Variants in RACK1 observed in about 807,000 individuals in gnomAD.
The protein encoded by RACK1 is small ribosomal subunit protein RACK1.
In RACK1, 3 loss-of-function variants were observed where a neutral mutation model predicts 42.2. That is an observed-to-expected ratio of 0.07 (90% CI 0.03 to 0.18). The LOEUF is 0.18. RACK1 is among the 10% of genes least tolerant of loss of function. The probability of loss-of-function intolerance (pLI) is 1.00; values close to 1 mark genes in which losing one functional copy is unlikely to be tolerated. For synonymous variants in RACK1, 181 were observed against 154.8 expected (o/e 1.17, Z -1.25); for missense variants, 146 against 403.2 (o/e 0.36, Z 5.46).
intron 1 of RACK1, chr5:181,243,014 G>A: frequency 5.7e-6 from 2 of 348,152 alleles, no homozygotes; most frequent in Non-Finnish European, 1.1e-5. Flanking sequence ...ACCTCTGAGG[G>A]CCGACAGAAA....
intron 5 of RACK1, chr5:181,238,452 C>A (rs773666887): frequency 1.9e-6 from 1 of 535,868 alleles, no homozygotes. Flanking sequence ...TCCCAACTTA[C>A]ATAAATCACT....
intron 2 of RACK1, 184 bp from the exon 3 acceptor site, chr5:181,241,823 A>C: frequency 1.3e-6 from 1 of 798,720 alleles, no homozygotes; most frequent in East Asian, 2.4e-5. Flanking sequence ...GAATCCCTTC[A>C]GAATTGCAGG....
chr5:181,239,704 C>G, intron 3 of RACK1, 122 bp from the exon 4 acceptor site: 1 of 631,946 alleles, frequency 1.6e-6, no homozygotes, highest in South Asian at 1.9e-5. Flanking sequence ...AGAACCCAAA[C>G]CTTTAAGCTC....
At chr5:181,243,418 A>C in intron 1 of RACK1, 1 of 1,482,112 alleles carries the variant, frequency 6.7e-7, no homozygotes, top group Non-Finnish European at 9.0e-7. Flanking sequence ...ACGAAGGAGA[A>C]GGCAAAAGAT....
At chr5:181,239,415 A>G in intron 4 of RACK1, 72 bp downstream of exon 4, 1 of 1,071,766 alleles carries the variant, frequency 9.3e-7, no homozygotes, top group East Asian at 2.4e-5. Flanking sequence ...AGCTTTCCAC[A>G]GGACTTGGAG....
In RACK1 at chr5:181,243,738, G is replaced by C. The variant is rs1287195125; in HGVS notation, c.63C>G (p.Ile21Met). Reference sequence around the variant, plus strand: ...TGTCCGGGAACTGCGGGGTAGTAGCGATCTGGGTTACCCAGCCGTTGTGGC... The same window carrying C: ...TGTCCGGGAACTGCGGGGTAGTAGCCATCTGGGTTACCCAGCCGTTGTGGC... ...LKGHNGWVTQ[I>M]ATTPQFPDMI... The change falls in exon 1 of 8, where the codon ATC (isoleucine) becomes ATG (methionine). Residue 21 changes from isoleucine (I) to methionine (M), a missense_variant. Physicochemically the swap from Ile to Met is conservative, Grantham distance 10 (BLOSUM62 1). Coordinates refer to ENST00000512805, the MANE Select transcript of RACK1 (RefSeq NM_006098.5). The C allele has an allele frequency of 5.6e-6, 9 of 1,610,004 alleles. No individual in the cohort carries two copies. The highest frequency in any genetic ancestry group is 7.6e-6 in the Non-Finnish European group (9 of 1,178,326).
rs529202308 is a variant in RACK1, at chr5:181,238,405, TTAACG to T, written c.637-171_637-167del. The T allele has an allele frequency of 3.6e-3, 2,373 of 658,252 alleles. 10 individuals are homozygous for T. The highest frequency in any genetic ancestry group is 5.0e-3 in the Non-Finnish European group (1,943 of 386,510). 40.8% of individuals were successfully genotyped at this position (658,252 alleles called of 1,614,324 possible). ...ATATTTATCTCTGTATACCTTTCCT[TTAACG>T]TAAGACCTTACCAACCCCATCAAAA... On this transcript the variant is annotated intron_variant, in intron 5 of 7. Coordinates refer to ENST00000512805, the MANE Select transcript of RACK1 (RefSeq NM_006098.5).
chr5:181,238,383 T>C (rs1759215334), intron 5 of RACK1, 144 bp from the exon 6 acceptor site: 1 of 782,028 alleles, frequency 1.3e-6, no homozygotes, highest in Non-Finnish European at 2.1e-6. Flanking sequence ...AGTACCAATA[T>C]TTATCTCTGT....
chr5:181,241,766 CAG>C (rs1293724939), intron 2 of RACK1, 127 bp from the exon 3 acceptor site: 12 of 1,014,916 alleles, frequency 1.2e-5, no homozygotes, highest in Admixed American at 3.4e-5. Flanking sequence ...GCTCTGATCA[CAG>C]AGTCAAGTGA....
chr5:181,240,046 TC>T (rs920782027), intron 3 of RACK1, among the ~76,000 whole-genome samples: 4 of 147,528 alleles, frequency 2.7e-5, no homozygotes, highest in Middle Eastern at 3.8e-3. Flanking sequence ...AAACTTCATC[TC>T]CAAAAAAAAT....
intron 5 of RACK1, chr5:181,238,676 C>T (rs764733330): frequency 2.2e-5 from 8 of 359,110 alleles, no homozygotes; most frequent in Non-Finnish European, 4.3e-5. Context: ...ATGGCGGGTG[C>T]CTGTAATCCT....
chr5:181,237,515 C>T (rs1466476567), intron 7 of RACK1, 94 bp downstream of exon 7: 10 of 775,248 alleles, frequency 1.3e-5, no homozygotes, highest in Non-Finnish European at 2.3e-5. Context: ...GCCAAGGACA[C>T]TGCTCTTGTG....
At chr5:181,241,773 A>G in intron 2 of RACK1, 134 bp from the exon 3 acceptor site, 2 of 952,040 alleles carry the variant, frequency 2.1e-6, no homozygotes. Context: ...TCACAGAGTC[A>G]AGTGACTGAG....
At chr5:181,238,532 C>CAT in intron 5 of RACK1, 10 of 370,572 alleles carry the variant, frequency 2.7e-5, no homozygotes, top group South Asian at 2.4e-4. Context: ...AGGCTGGGTG[C>CAT]GGTGGCTCAT....
chr5:181,238,689 C>T, intron 5 of RACK1: 1 of 363,114 alleles, frequency 2.8e-6, no homozygotes, highest in Non-Finnish European at 5.3e-6. Context: ...GTAATCCTAG[C>T]TACTCGGGAG....
chr5:181,241,991 C>T, intron 2 of RACK1, 183 bp downstream of exon 2: 1 of 784,534 alleles, frequency 1.3e-6, no homozygotes, highest in South Asian at 1.4e-5. Context: ...TGTTCAGCCA[C>T]ACTCCTCAGC....
intron 7 of RACK1, 59 bp from the exon 8 acceptor site, chr5:181,237,101 G>C (rs1302354444): frequency 1.2e-6 from 2 of 1,607,502 alleles, no homozygotes; most frequent in African/African-American, 1.3e-5. Context: ...AGTCTCACTA[G>C]ATTCAGCCCA....
At position 181,239,051 on chromosome 5, in the gene RACK1, C is replaced by T; in HGVS notation, c.636+16G>A. On this transcript the variant is annotated intron_variant, in intron 5 of 7. Coordinates refer to ENST00000512805, the MANE Select transcript of RACK1 (RefSeq NM_006098.5). ...GCTGTCTTCCACTGAGTAGGAGACG[C>T]CTTGTCCCCAAATACCTTGCCTCCA... The T allele has an allele frequency of 6.5e-7, 1 of 1,527,584 alleles. No homozygotes were observed. 94.6% of individuals were successfully genotyped at this position (1,527,584 alleles called of 1,614,324 possible).
chr5:181,237,987 G>A, intron 6 of RACK1, 112 bp downstream of exon 6: 1 of 1,147,550 alleles, frequency 8.7e-7, no homozygotes, highest in Non-Finnish European at 1.3e-6. Context: ...ATTACGTGGA[G>A]GCTGAGAAAG....
Sources: gnomAD v4.1 joint callset for allele counts (sites outside exome capture counted in the v4.1 genomes callset) on GRCh38, gnomAD v4.1.1 for gene constraint, MANE v1.5 for transcripts, NCBI Gene and HGNC (gene_info 2026-07-23, HGNC 2026-07-21) for gene names.